Variants in LRRFIP1 observed in about 807,000 individuals in gnomAD.
LRRFIP1 encodes LRR binding FLII interacting protein 1, also known as leucine-rich repeat flightless-interacting protein 1.
LRRFIP1 carries 62 observed loss-of-function variants against 104.4 expected under a neutral mutation model. The observed-to-expected ratio is 0.59, with a 90% CI of 0.48 to 0.73. LRRFIP1 has a LOEUF of 0.73. LRRFIP1 is among the 30% of genes least tolerant of loss of function. LRRFIP1 has a pLI of 0.00. For synonymous variants in LRRFIP1, 300 were observed against 299.0 expected, an observed-to-expected ratio of 1.00 and a Z score of -0.03; for missense variants, 796 against 824.5, an observed-to-expected ratio of 0.97 and a Z score of 0.42.
At chr2:237,728,315 A>G (rs1034060280) in intron 8 of LRRFIP1, among the ~76,000 whole-genome samples, 4 of 152,260 alleles carry the variant, frequency 2.6e-5, no homozygotes, top group African/African-American at 9.6e-5. Flanking sequence ...CGCAGTCTCC[A>G]CATCTGTCAT....
intron 1 of LRRFIP1, among the ~76,000 whole-genome samples, chr2:237,632,086 G>C (rs2082421695): frequency 1.3e-5 from 2 of 152,156 alleles, no homozygotes; most frequent in Admixed American, 1.3e-4. Flanking sequence ...CCTTTCACTT[G>C]AGCCACGGCC....
intron 11 of LRRFIP1, 39 bp from the exon 12 acceptor site, chr2:237,748,324 CT>C (rs1293936886): frequency 3.5e-6 from 5 of 1,428,056 alleles, no homozygotes; most frequent in Non-Finnish European, 4.9e-6. Context: ...CCATTTAATG[CT>C]TTTAAAGTAT....
chr2:237,756,837 A>G (rs2059321440), intron 16 of LRRFIP1, among the ~76,000 whole-genome samples: 1 of 152,214 alleles, frequency 6.6e-6, no homozygotes, highest in Non-Finnish European at 1.5e-5. Context: ...GGGCCCCTGC[A>G]GTTGTGATGA....
At chr2:237,708,453 C>A in intron 1 of LRRFIP1, 91 bp from the exon 2 acceptor site, 2 of 939,422 alleles carry the variant, frequency 2.1e-6, no homozygotes, top group Non-Finnish European at 3.2e-6. Context: ...AAACTCTGAA[C>A]AAGATTTTCT....
At position 237,763,020 on chromosome 2, in the gene LRRFIP1, G is replaced by A. The variant is rs772600591; in HGVS notation, c.1459+2815G>A. On this transcript the variant is annotated intron_variant, in intron 19 of 23. Coordinates refer to ENST00000308482, the MANE Select transcript of LRRFIP1 (RefSeq NM_001137550.2). ...GTGACTCAGGTTGAAGAGCAGGCAG[G>A]CACAGTGGCCTCGTGTCCTTTAGGG... The A allele has an allele frequency of 1.5e-5, 24 of 1,614,088 alleles. No individual in the cohort carries two copies. Among genetic ancestry groups the A allele is most frequent in the Non-Finnish European group, 5.9e-6 (7 of 1,180,048 alleles).
In LRRFIP1 at chr2:237,780,499, G is replaced by A. The variant is rs2061409796; in HGVS notation, c.*967G>A. ...GCACTTAAAAAGTGAAGTGAAGGAGGAGGTAACAGTAGAGACGATGGCAAT... is the reference window on the plus strand; with the variant it reads ...GCACTTAAAAAGTGAAGTGAAGGAGAAGGTAACAGTAGAGACGATGGCAAT... On this transcript the variant is annotated 3_prime_UTR_variant, in exon 24 of 24. Coordinates refer to ENST00000308482, the MANE Select transcript of LRRFIP1 (RefSeq NM_001137550.2). Among the ~76,000 whole-genome samples, 1 of 152,172 alleles carries A rather than the reference G, an allele frequency of 6.6e-6. No individual in the cohort carries two copies. Among genetic ancestry groups the A allele is most frequent in the South Asian group, 2.1e-4 (1 of 4,826 alleles).
chr2:237,691,063 A>T lies in LRRFIP1; in HGVS notation c.97-17481A>T, dbSNP rs969707383. On this transcript the variant is annotated intron_variant, in intron 1 of 23. Coordinates refer to ENST00000308482, the MANE Select transcript of LRRFIP1 (RefSeq NM_001137550.2). This position sits in a 1 kb window ranked among gnomAD's most constrained non-coding sequence, Gnocchi z 5.4. The stretch of plus-strand genomic sequence containing the variant: ...TGCCCTGAAGCCCTGGGCCCGGGTC[A>T]CGGCGGGAAGGTGAGTGCTCACAGG... Among the ~76,000 whole-genome samples, 3 of 151,618 alleles carry T rather than the reference A, an allele frequency of 2.0e-5. No individual in the cohort carries two copies. The highest frequency in any genetic ancestry group is 4.4e-5 in the Non-Finnish European group (3 of 68,030).
At chr2:237,741,356 G>A (rs983211200) in intron 11 of LRRFIP1, among the ~76,000 whole-genome samples, 41 of 152,148 alleles carry the variant, frequency 2.7e-4, no homozygotes, top group African/African-American at 9.9e-4. Flanking sequence ...AGCCTGGCCA[G>A]CCCCCAAGGC....
intron 12 of LRRFIP1, 71 bp from the exon 13 acceptor site, chr2:237,749,128 A>G: frequency 1.3e-6 from 2 of 1,514,904 alleles, no homozygotes; most frequent in South Asian, 1.2e-5. Context: ...TGGGGATTAC[A>G]ATTCCAGATG....
intron 1 of LRRFIP1, among the ~76,000 whole-genome samples, chr2:237,693,314 C>G (rs938171265): frequency 1.3e-5 from 2 of 152,222 alleles, no homozygotes; most frequent in Non-Finnish European, 2.9e-5. Flanking sequence ...ATCACTCTTT[C>G]ATCAGGTAGA....
intron 1 of LRRFIP1, chr2:237,684,224 C>A (rs2092134828): frequency 6.7e-6 from 1 of 149,698 alleles, no homozygotes; most frequent in East Asian, 1.9e-4. Flanking sequence ...GTAATCCCAG[C>A]ACTTTGGGAG....
intron 19 of LRRFIP1, chr2:237,762,750 C>T (rs2060004756): frequency 6.2e-7 from 1 of 1,614,200 alleles, no homozygotes; most frequent in Non-Finnish European, 8.5e-7. Context: ...GGTGAGAATA[C>T]CGAGGACCAG....
At chr2:237,751,173 A>T (rs758022623) in intron 13 of LRRFIP1, 27 bp from the exon 14 acceptor site, 1 of 1,557,444 alleles carries the variant, frequency 6.4e-7, no homozygotes, top group Admixed American at 1.7e-5. Context: ...CCTTGACATC[A>T]TCTGCCTTTT....
At chr2:237,712,984 G>A (rs2094171612) in intron 2 of LRRFIP1, among the ~76,000 whole-genome samples, 2 of 152,170 alleles carry the variant, frequency 1.3e-5, no homozygotes, top group South Asian at 4.1e-4. Context: ...TAAAAATTGA[G>A]AAACCTGATC....
chr2:237,644,939 G>A (rs999457568), intron 1 of LRRFIP1, among the ~76,000 whole-genome samples: 2 of 152,216 alleles, frequency 1.3e-5, no homozygotes, highest in Non-Finnish European at 2.9e-5. Context: ...AGGGACACAC[G>A]GCACCAATGT....
chr2:237,776,194 A>G (rs557855535), intron 23 of LRRFIP1, among the ~76,000 whole-genome samples: 1 of 152,266 alleles, frequency 6.6e-6, no homozygotes, highest in South Asian at 2.1e-4. Context: ...TCCTGACCTC[A>G]GGTGATCCTC....
rs1446273797 is a variant in LRRFIP1 at position 237,735,348 on chromosome 2, G to A, written c.555+15G>A. ...GCTCCCGTGCTGTAAGGCGCTTTCG[G>A]TGATACCTCCTTTCCCCCGTGCCTG... On this transcript the variant is annotated intron_variant, in intron 10 of 23. Coordinates refer to ENST00000308482, the MANE Select transcript of LRRFIP1 (RefSeq NM_001137550.2). The surrounding 1 kb of genome is among the most constrained non-coding windows in gnomAD (Gnocchi z 4.6). The A allele has an allele frequency of 1.2e-6, 2 of 1,611,424 alleles. No homozygotes were observed. Among genetic ancestry groups the A allele is most frequent in the Non-Finnish European group, 1.7e-6 (2 of 1,179,448 alleles).
rs1276708542 is a variant in LRRFIP1, at chr2:237,717,907, A to G, written c.249+98A>G. ...TATAATGTAATTCTTACGCAGTTTA[A>G]CTATGTAGATAGATTCCTATTGCAC... On this transcript the variant is annotated intron_variant, in intron 4 of 23. Coordinates refer to ENST00000308482, the MANE Select transcript of LRRFIP1 (RefSeq NM_001137550.2). The surrounding 1 kb of genome is among the most constrained non-coding windows in gnomAD (Gnocchi z 4.2). 5.2e-6 allele frequency: 5 copies of G among 955,236 alleles called. No individual in the cohort carries two copies. The East Asian group carries it at 1.2e-4, about 23-fold the overall frequency. The allele number at this position is 955,236 out of a possible 1,614,324, so 59.2% of individuals were successfully genotyped here. A position where few individuals can be genotyped will look rare whatever the true frequency, so the allele number is the denominator to read the frequency against.
At chr2:237,692,450 G>C (rs773887130) in intron 1 of LRRFIP1, 172 of 1,520,488 alleles carry the variant, frequency 1.1e-4, no homozygotes, top group Admixed American at 4.1e-5. Flanking sequence ...GGCCGAGCCC[G>C]GCAGGATGAC....
Sources: gnomAD v4.1 joint callset for allele counts (sites outside exome capture counted in the v4.1 genomes callset) on GRCh38, gnomAD v4.1.1 for gene constraint, Gnocchi (gnomAD v3.1) non-coding constraint, MANE v1.5 for transcripts, NCBI Gene and HGNC (gene_info 2026-07-23, HGNC 2026-07-21) for gene names.